NRXN3: variants seen among roughly 807,000 people sequenced by gnomAD.
NRXN3 encodes neurexin 3.
A neutral mutation model predicts 137.6 loss-of-function variants in NRXN3; 32 were observed. That is an observed-to-expected ratio of 0.23 (90% CI 0.18 to 0.31). The LOEUF is 0.31. Among genes scored for constraint, NRXN3 ranks in the 10% least tolerant of loss-of-function variants. The pLI is 1.00. For missense variants in NRXN3, 1,574 were observed against 2,062.5 expected, an observed-to-expected ratio of 0.76 and a Z score of 4.59; for synonymous variants, 798 against 784.5, an observed-to-expected ratio of 1.02 and a Z score of -0.29.
intron 15 of NRXN3, among the ~76,000 whole-genome samples, chr14:79,063,178 G>T (rs761426505): frequency 1.3e-5 from 2 of 152,168 alleles, no homozygotes; most frequent in African/African-American, 2.4e-5. Context: ...GAATTCTTTT[G>T]TTCAGACTTT....
chr14:79,641,184 AT>A (rs1365452579), intron 16 of NRXN3, among the ~76,000 whole-genome samples: 1 of 133,588 alleles, frequency 7.5e-6, no homozygotes, highest in Non-Finnish European at 1.7e-5. Context: ...ATTCTTCTGT[AT>A]TTTTAGTAGA....
At chr14:79,784,407 AT>A (rs1361330160) in intron 19 of NRXN3, among the ~76,000 whole-genome samples, 1 of 152,062 alleles carries the variant, frequency 6.6e-6, no homozygotes, top group African/African-American at 2.4e-5. Flanking sequence ...TACTGGGTTT[AT>A]TTTTGCATGT....
chr14:79,593,366 C>T (rs1229913598), intron 16 of NRXN3, among the ~76,000 whole-genome samples: 1 of 152,006 alleles, frequency 6.6e-6, no homozygotes, highest in African/African-American at 2.4e-5. Flanking sequence ...TGTGGTGGCT[C>T]ACACCTGTAA....
intron 16 of NRXN3, among the ~76,000 whole-genome samples, chr14:79,545,814 G>A (rs1486104374): frequency 6.6e-6 from 1 of 151,952 alleles, no homozygotes; most frequent in Non-Finnish European, 1.5e-5. Context: ...CATAAGCTTT[G>A]TAGTCACAAA....
chr14:79,088,244 C>T (rs1431080666), intron 15 of NRXN3, among the ~76,000 whole-genome samples: 1 of 149,606 alleles, frequency 6.7e-6, no homozygotes. Flanking sequence ...TTGTTTGAAC[C>T]TCTCTCATTC....
intron 4 of NRXN3, among the ~76,000 whole-genome samples, chr14:78,520,491 C>T (rs2096270111): frequency 6.6e-6 from 1 of 152,074 alleles, no homozygotes; most frequent in Admixed American, 6.6e-5. Context: ...TGAAGATAGA[C>T]TCAAACAATG....
chr14:78,872,849 A>G (rs1017413647), intron 10 of NRXN3, among the ~76,000 whole-genome samples: 9 of 152,184 alleles, frequency 5.9e-5, no homozygotes, highest in Admixed American at 2.6e-4. Flanking sequence ...GATTGGTCTC[A>G]GGGGTCAGTA....
At chr14:79,491,746 T>C (rs2096719623) in intron 16 of NRXN3, among the ~76,000 whole-genome samples, 2 of 152,186 alleles carry the variant, frequency 1.3e-5, no homozygotes, top group African/African-American at 4.8e-5. Flanking sequence ...GTGGCAAGAC[T>C]TTCTACAGAA....
At chr14:78,688,143 A>G in intron 6 of NRXN3, among the ~76,000 whole-genome samples, 1 of 152,214 alleles carries the variant, frequency 6.6e-6, no homozygotes, top group Non-Finnish European at 1.5e-5. Context: ...CATCCACAAC[A>G]TGAATATGAC....
chr14:78,293,576 A>G (rs897744534), intron 3 of NRXN3, among the ~76,000 whole-genome samples: 1 of 151,788 alleles, frequency 6.6e-6, no homozygotes, highest in Non-Finnish European at 1.5e-5. Context: ...TTTCTTTCCC[A>G]CTGCCATGAT....
chr14:79,448,023 GGACCTCCTTC>G (rs1458842004), intron 15 of NRXN3, among the ~76,000 whole-genome samples: 1 of 152,164 alleles, frequency 6.6e-6, no homozygotes, highest in African/African-American at 2.4e-5. Flanking sequence ...AATCAGACAA[GGACCTCCTTC>G]ACACGAAGTG....
chr14:78,217,628 T>C (rs575238648), intron 1 of NRXN3, among the ~76,000 whole-genome samples: 34 of 152,330 alleles, frequency 2.2e-4, no homozygotes, highest in African/African-American at 7.7e-4. Context: ...TGGTATTGTA[T>C]TGTGCATGAG....
chr14:79,583,440 T>C (rs2097735845), intron 16 of NRXN3, among the ~76,000 whole-genome samples: 1 of 151,820 alleles, frequency 6.6e-6, no homozygotes, highest in Admixed American at 6.6e-5. Context: ...TCTTCTATAC[T>C]TTTTTTTTAT....
intron 8 of NRXN3, among the ~76,000 whole-genome samples, chr14:78,771,130 G>T (rs2098726424): frequency 6.6e-6 from 1 of 152,194 alleles, no homozygotes; most frequent in African/African-American, 2.4e-5. Flanking sequence ...TTCAGAGGTG[G>T]CACCGCTGAG....
intron 19 of NRXN3, among the ~76,000 whole-genome samples, chr14:79,757,022 T>C (rs1418579902): frequency 6.6e-6 from 1 of 152,158 alleles, no homozygotes; most frequent in African/African-American, 2.4e-5. Flanking sequence ...GCCAAATTAG[T>C]AGTTATTCCT....
chr14:79,198,547 T>C (rs2065453626), intron 15 of NRXN3, among the ~76,000 whole-genome samples: 1 of 152,234 alleles, frequency 6.6e-6, no homozygotes, highest in African/African-American at 2.4e-5. Flanking sequence ...GCATTACTCT[T>C]AATGCTAAAG....
intron 15 of NRXN3, among the ~76,000 whole-genome samples, chr14:79,245,732 A>G (rs2075067227): frequency 1.3e-5 from 2 of 152,290 alleles, no homozygotes; most frequent in East Asian, 1.9e-4. Context: ...ACATTGCATT[A>G]TAGATTCCAT....
chr14:79,559,188 T>A (rs1159816537), intron 16 of NRXN3, among the ~76,000 whole-genome samples: 1 of 152,196 alleles, frequency 6.6e-6, no homozygotes, highest in Non-Finnish European at 1.5e-5. Flanking sequence ...AGTAGGACTT[T>A]CACTTTTCTT....
chr14:78,455,707 G>C (rs1371598262), intron 4 of NRXN3, among the ~76,000 whole-genome samples: 1 of 152,122 alleles, frequency 6.6e-6, no homozygotes, highest in Non-Finnish European at 1.5e-5. Context: ...CCATTCTACA[G>C]AGAGGCAGGC....
Sources: gnomAD v4.1 joint callset for allele counts (sites outside exome capture counted in the v4.1 genomes callset) on GRCh38, gnomAD v4.1.1 for gene constraint, MANE v1.5 for transcripts, NCBI Gene and HGNC (gene_info 2026-07-23, HGNC 2026-07-21) for gene names.